The following FAM120B variants were observed in gnomAD, a reference collection of about 807,000 sequenced individuals.
The protein encoded by FAM120B is family with sequence similarity 120 member B.
A neutral mutation model predicts 96.3 loss-of-function variants in FAM120B; 83 were observed. That is an observed-to-expected ratio of 0.86 (90% CI 0.72 to 1.03). The LOEUF is 1.03. FAM120B is among the 50% of genes least tolerant of loss of function. The probability of loss-of-function intolerance (pLI) is 0.00; values close to 1 mark genes in which losing one functional copy is unlikely to be tolerated. For missense variants in FAM120B, 1,027 were observed against 1,121.2 expected, an observed-to-expected ratio of 0.92 and a Z score of 1.20; for synonymous variants, 407 against 402.7, an observed-to-expected ratio of 1.01 and a Z score of -0.13.
upstream of FAM120B, chr6:170,290,803 C>T: frequency 1.7e-6 from 1 of 592,832 alleles, no homozygotes; most frequent in East Asian, 2.9e-5. This position sits in a 1 kb window ranked among gnomAD's most constrained non-coding sequence, Gnocchi z 4.7. Context: ...CCAATGCCAT[C>T]CAGTACACAC....
chr6:170,383,205 G>C (rs1045667074), intron 6 of FAM120B, among the ~76,000 whole-genome samples: 2 of 151,934 alleles, frequency 1.3e-5, no homozygotes, highest in Non-Finnish European at 2.9e-5. Flanking sequence ...TTACACTTTT[G>C]GGAAAAAAAT....
upstream of FAM120B, among the ~76,000 whole-genome samples, chr6:170,305,338 T>C (rs920968840): frequency 3.3e-5 from 5 of 152,156 alleles, no homozygotes; most frequent in African/African-American, 1.2e-4. Flanking sequence ...TAATCAGCAA[T>C]AGGTGCTGAA....
In FAM120B at chr6:170,395,594, G is replaced by T; in HGVS notation, c.2692+15G>T. On this transcript the variant is annotated intron_variant, in intron 9 of 10. Transcript: ENST00000476287. ...CCAGGGACCAGGTAAGAAGGCCAGT[G>T]GTCACTCTGCTGGGCCACCTGCATG... is the stretch of plus-strand genomic sequence containing the variant. 5.7e-6 allele frequency: 9 copies of T among 1,570,376 alleles called. No individual in the cohort carries two copies. The highest frequency in any genetic ancestry group is 7.8e-6 in the Non-Finnish European group (9 of 1,154,936).
intron 5 of FAM120B, among the ~76,000 whole-genome samples, chr6:170,354,094 A>G (rs776102446): frequency 6.6e-6 from 1 of 152,200 alleles, no homozygotes; most frequent in Middle Eastern, 3.2e-3. Context: ...ATGGAACAGA[A>G]TAGAGAACTC....
chr6:170,376,755 G>A (rs1199970143), intron 6 of FAM120B, among the ~76,000 whole-genome samples: 1 of 152,222 alleles, frequency 6.6e-6, no homozygotes, highest in African/African-American at 2.4e-5. Flanking sequence ...CCGAAAATCT[G>A]GACTAGCCAG....
At chr6:170,291,043 C>T (rs1194396435), upstream of FAM120B, 1 of 702,058 alleles carries the variant, frequency 1.4e-6, no homozygotes, top group South Asian at 1.5e-5. Flanking sequence ...GCCACTTTTC[C>T]AAACCCTCCT....
intron 2 of FAM120B, among the ~76,000 whole-genome samples, chr6:170,319,625 C>G (rs1785159146): frequency 2.0e-5 from 3 of 152,026 alleles, no homozygotes; most frequent in Non-Finnish European, 4.4e-5. Flanking sequence ...CTGAGATTCT[C>G]CAGCCTGGGC....
intron 9 of FAM120B, among the ~76,000 whole-genome samples, chr6:170,403,525 C>A (rs1778689481): frequency 6.6e-6 from 1 of 152,122 alleles, no homozygotes; most frequent in African/African-American, 2.4e-5. Context: ...GTTTCTGGAG[C>A]CTGAGTGTGT....
intron 1 of FAM120B, among the ~76,000 whole-genome samples, chr6:170,298,544 A>C (rs1166397638): frequency 1.5e-5 from 2 of 137,920 alleles, no homozygotes; most frequent in African/African-American, 5.4e-5. Context: ...TGTTCCTTTT[A>C]GTAAAATGGG....
rs1376956106 is a variant in FAM120B at position 170,398,605 on chromosome 6, T to C, written c.2692+3026T>C. 2.2e-5 allele frequency among the ~76,000 whole-genome samples: 3 copies of C among 135,996 alleles called. 1 individual carries two copies. The highest frequency in any genetic ancestry group is 3.1e-5 in the Non-Finnish European group (2 of 64,190). The allele number at this position is 135,996 out of a possible 152,430, so 89.2% of individuals were successfully genotyped here. ...GGAGTGAGTGGGGAAGGTAGAACTA[T>C]GTCTTAACTCTTCGGAGTGAGTGGG... On this transcript the variant is annotated intron_variant, in intron 9 of 10. Transcript: ENST00000476287.
intron 5 of FAM120B, among the ~76,000 whole-genome samples, chr6:170,349,522 A>T (rs1787437064): frequency 6.6e-6 from 1 of 152,154 alleles, no homozygotes. Flanking sequence ...ATTTTGTAAG[A>T]TGTGATATGG....
intron 6 of FAM120B, among the ~76,000 whole-genome samples, chr6:170,365,822 C>T (rs1045651618): frequency 6.6e-6 from 1 of 150,456 alleles, no homozygotes; most frequent in Non-Finnish European, 1.5e-5. Context: ...ACGGAAGGAA[C>T]ACACACCCTT....
At chr6:170,323,484 A>G (rs969757811) in intron 3 of FAM120B, among the ~76,000 whole-genome samples, 11 of 152,236 alleles carry the variant, frequency 7.2e-5, no homozygotes, top group Admixed American at 7.2e-4. Flanking sequence ...ATGAGTGTGC[A>G]TTAAAAGAAG....
intron 6 of FAM120B, among the ~76,000 whole-genome samples, chr6:170,362,403 A>T (rs1442902742): frequency 6.6e-6 from 1 of 152,162 alleles, no homozygotes; most frequent in Non-Finnish European, 1.5e-5. Context: ...TGGGCATACC[A>T]TGTACTGTCT....
At position 170,370,704 on chromosome 6, in the gene FAM120B, A is replaced by T. The variant is rs1407531043; in HGVS notation, c.2283+12386A>T. ...CAGATATTACCTCACCGCATTTCTT[A>T]TAAAGATTCGCCTTCTAACACCTTT... On this transcript the variant is annotated intron_variant, in intron 6 of 10. Coordinates refer to ENST00000476287, the MANE Select transcript of FAM120B (RefSeq NM_032448.3). This position sits in a 1 kb window ranked among gnomAD's most constrained non-coding sequence, Gnocchi z 4.3. Among the ~76,000 whole-genome samples the T allele has an allele frequency of 6.6e-6, 1 of 152,178 alleles. No homozygotes were observed. The highest frequency in any genetic ancestry group is 1.5e-5 in the Non-Finnish European group (1 of 68,026).
chr6:170,329,921 A>G (rs118034141), intron 3 of FAM120B, among the ~76,000 whole-genome samples: 33 of 152,166 alleles, frequency 2.2e-4, no homozygotes, highest in Middle Eastern at 3.4e-3. Flanking sequence ...CAGCTGTCTG[A>G]CTGATGATCA....
intron 6 of FAM120B, among the ~76,000 whole-genome samples, chr6:170,386,821 T>C (rs1310728937): frequency 6.6e-6 from 1 of 152,216 alleles, no homozygotes; most frequent in East Asian, 1.9e-4. Context: ...GGCCATTCTG[T>C]TTCATGAAAA....
In FAM120B at chr6:170,330,473, T is replaced by C; in HGVS notation, c.1940T>C (p.Val647Ala). 1 of 1,614,102 alleles carries C rather than the reference T, an allele frequency of 6.2e-7. No homozygotes were observed. The highest frequency in any genetic ancestry group is 1.7e-4 in the Middle Eastern group (1 of 6,060). Reference sequence around the variant, plus strand: ...GATGTCACCAGCACCTGCCTAGCTGTCAAGGAGTGGTTTGTGTATCCTGGG... The same window carrying C: ...GATGTCACCAGCACCTGCCTAGCTGCCAAGGAGTGGTTTGTGTATCCTGGG... ...CQDVTSTCLA[V>A]KEWFVYPGNP... The change falls in exon 4 of 11, where the codon GTC becomes GCC. Residue 647 changes from valine (V) to alanine (A), a missense_variant. By Grantham distance (64) the Val-to-Ala change is moderately conservative. Coordinates refer to ENST00000476287, the MANE Select transcript of FAM120B (RefSeq NM_032448.3).
chr6:170,340,645 A>G (rs1786759405), intron 4 of FAM120B, among the ~76,000 whole-genome samples: 1 of 152,064 alleles, frequency 6.6e-6, no homozygotes, highest in Admixed American at 6.5e-5. Context: ...TCTTTGATCT[A>G]TAAGGCTGAT....
Sources: allele counts gnomAD v4.1 joint callset (sites outside exome capture counted in the v4.1 genomes callset), GRCh38; gene constraint gnomAD v4.1.1; non-coding constraint Gnocchi (gnomAD v3.1); transcripts MANE v1.5; gene names NCBI Gene and HGNC (gene_info 2026-07-23, HGNC 2026-07-21).